The following ARHGAP30 variants were observed in gnomAD, a reference collection of about 807,000 sequenced individuals.
ARHGAP30 encodes Rho GTPase activating protein 30.
In ARHGAP30, 23 loss-of-function variants were observed where a neutral mutation model predicts 72.0. The observed-to-expected ratio is 0.32, with a 90% CI of 0.23 to 0.45. The LOEUF (loss-of-function observed/expected upper bound fraction) is 0.45. Among genes scored for constraint, ARHGAP30 ranks in the 20% least tolerant of loss-of-function variants. The probability of loss-of-function intolerance (pLI) is 1.00; values close to 1 mark genes in which losing one functional copy is unlikely to be tolerated. For synonymous variants in ARHGAP30, 576 were observed against 528.2 expected (o/e 1.09, Z -1.24); for missense variants, 1,319 against 1,383.4 (o/e 0.95, Z 0.74).
Position 161,047,704 on chromosome 1 carries a change from T to C in ARHGAP30, c.*11A>G. On this transcript the variant is annotated 3_prime_UTR_variant, in exon 12 of 12. Coordinates refer to ENST00000368013, the MANE Select transcript of ARHGAP30 (RefSeq NM_001025598.2). ...CTTGCTGGTCCCCTTTGCCCAGGGC[T>C]GTGGTCCTAATCACAGTCCTTCACC... 2.0e-6 allele frequency: 3 copies of C among 1,511,744 alleles called. No homozygotes were observed. Among genetic ancestry groups the C allele is most frequent in the Non-Finnish European group, 2.7e-6 (3 of 1,130,494 alleles). The allele number at this position is 1,511,744 out of a possible 1,614,324, so 93.6% of individuals were successfully genotyped here.
Position 161,054,366 on chromosome 1 carries a change from C to G in ARHGAP30, c.536G>C (p.Arg179Thr). The G allele has an allele frequency of 1.2e-6, 2 of 1,613,320 alleles. No individual in the cohort carries two copies. The highest frequency in any genetic ancestry group is 1.7e-6 in the Non-Finnish European group (2 of 1,179,632). The change falls in exon 5 of 12, where the codon AGG (arginine) becomes ACG (threonine). Residue 179 changes from arginine (R) to threonine (T), a missense_variant and splice_region_variant. Transcript: ENST00000368013. ...LAIVWAPNLL[R>T]SKDIEASGFN... ...ATACACTGCTCACACAGGCACCTAC[C>G]TCAGCAGGTTGGGAGCCCACACGAT...
intron 1 of ARHGAP30, among the ~76,000 whole-genome samples, chr1:161,067,338 C>T (rs1652843555): frequency 6.6e-6 from 1 of 151,992 alleles, no homozygotes; most frequent in Admixed American, 6.6e-5. Context: ...TTTGGGAGGC[C>T]GAGGCGGGTG....
At chr1:161,060,871 C>CT (rs879830665) in intron 1 of ARHGAP30, among the ~76,000 whole-genome samples, 13 of 151,514 alleles carry the variant, frequency 8.6e-5, no homozygotes, top group Middle Eastern at 6.8e-3. Flanking sequence ...CTCCAGCTAA[C>CT]TTTTTTGTAT....
rs191897572 is a variant in ARHGAP30, at chr1:161,063,669, C to T, written c.98-3953G>A. Among the ~76,000 whole-genome samples the T allele has an allele frequency of 2.0e-4, 31 of 152,342 alleles. No homozygotes were observed. The East Asian group carries it at 5.2e-3, about 26-fold the overall frequency. ...AGAGATAACCTTAAACTCTGACTGC[C>T]GGTGAACCGGGCAGAACAGAGCCAT... On this transcript the variant is annotated intron_variant, in intron 1 of 11. Coordinates refer to ENST00000368013, the MANE Select transcript of ARHGAP30 (RefSeq NM_001025598.2).
chr1:161,058,714 A>T (rs1422580375), intron 2 of ARHGAP30, among the ~76,000 whole-genome samples: 22 of 150,630 alleles, frequency 1.5e-4, no homozygotes, highest in Admixed American at 1.4e-3. Context: ...TACAAAAATT[A>T]GCCAGGCGTG....
intron 3 of ARHGAP30, among the ~76,000 whole-genome samples, chr1:161,055,702 T>C (rs1432949140): frequency 6.6e-6 from 1 of 151,586 alleles, no homozygotes; most frequent in Non-Finnish European, 1.5e-5. Context: ...GAGAATCACT[T>C]GAACCTGGGA....
intron 4 of ARHGAP30, 27 bp downstream of exon 4, chr1:161,054,596 G>T: frequency 1.9e-6 from 3 of 1,611,474 alleles, no homozygotes; most frequent in Non-Finnish European, 2.5e-6. Flanking sequence ...GTCTCAGGTT[G>T]CTGGGCAGAT....
Position 161,047,934 on chromosome 1 carries a change from G to A in ARHGAP30, c.3087C>T (p.Leu1029=), listed in dbSNP as rs768271846. The change falls in exon 12 of 12, where the codon CTC becomes CTT. Residue 1029 remains leucine (L), a synonymous_variant. Transcript: ENST00000368013. ...QTCTEGGDYC[L]IPRTSPCSMI... is the part of the protein sequence containing the mutation. Reference sequence around the variant, plus strand: ...TGCTACAAGGGGAGGTTCTGGGGATGAGGCAGTAATCCCCACCCTCAGTAC... The same window carrying A: ...TGCTACAAGGGGAGGTTCTGGGGATAAGGCAGTAATCCCCACCCTCAGTAC... 5 of 1,613,590 alleles carry A rather than the reference G, an allele frequency of 3.1e-6. No homozygotes were observed. In the South Asian group the frequency reaches 3.3e-5, roughly 11 times the overall value.
At chr1:161,055,058 C>A (rs1471974360) in intron 3 of ARHGAP30, among the ~76,000 whole-genome samples, 1 of 152,188 alleles carries the variant, frequency 6.6e-6, no homozygotes, top group East Asian at 1.9e-4. Flanking sequence ...CTGTCCCCCA[C>A]CCCAACCTAG....
In ARHGAP30 at chr1:161,048,199, G is replaced by A. The variant is rs868658553; in HGVS notation, c.2822C>T (p.Pro941Leu). Residue 941 changes from proline (P) to leucine (L), a missense_variant, in exon 12 of 12, where the codon CCC becomes CTC. Around this residue, in one of 2 missense-constraint regions of ARHGAP30, gnomAD observed 1,097 missense variants for 1,045.2 expected, o/e 1.05. Coordinates refer to ENST00000368013, the MANE Select transcript of ARHGAP30 (RefSeq NM_001025598.2). Reference protein sequence around the residue: ...VQQVRSVPVVPPKPQFAKMPS... With the variant: ...VQQVRSVPVVLPKPQFAKMPS... Reference sequence around the variant, plus strand: ...CATCTTGGCAAACTGTGGCTTGGGGGGCACCACAGGCACAGAGCGGACCTG... The same window carrying A: ...CATCTTGGCAAACTGTGGCTTGGGGAGCACCACAGGCACAGAGCGGACCTG... 6.2e-7 allele frequency: 1 copy of A among 1,614,048 alleles called. No individual in the cohort carries two copies. The highest frequency in any genetic ancestry group is 1.3e-5 in the African/African-American group (1 of 74,910).
intron 1 of ARHGAP30, 72 bp from the exon 2 acceptor site, chr1:161,059,788 G>T: frequency 7.5e-7 from 1 of 1,334,938 alleles, no homozygotes; most frequent in Non-Finnish European, 1.0e-6. Context: ...CTGGGTCTGA[G>T]AAATGGAATT....
At chr1:161,063,091 G>C (rs995186060) in intron 1 of ARHGAP30, among the ~76,000 whole-genome samples, 1 of 152,202 alleles carries the variant, frequency 6.6e-6, no homozygotes, top group Non-Finnish European at 1.5e-5. Flanking sequence ...GGGATTACAG[G>C]CGTGAGCCAC....
rs1166156591 is a variant in ARHGAP30 at position 161,052,718 on chromosome 1, T to A, written c.744A>T (p.Pro248=). 1.2e-6 allele frequency: 2 copies of A among 1,612,832 alleles called. No homozygotes were observed. Among genetic ancestry groups the A allele is most frequent in the Non-Finnish European group, 1.7e-6 (2 of 1,179,980 alleles). Residue 248 remains proline (P), a synonymous_variant, in exon 7 of 12, where the codon CCA becomes CCT. Transcript: ENST00000368013. Reference sequence around the variant, plus strand: ...GTATGCTAGGCAGGTGATAAGGCAGTGGCCTGGGCATAAGGTCCTCGGGGC... The same window carrying A: ...GTATGCTAGGCAGGTGATAAGGCAGAGGCCTGGGCATAAGGTCCTCGGGGC... ...SGSPEDLMPR[P]LPYHLPSILQ...
rs1557915363 is a variant in ARHGAP30 at position 161,048,845 on chromosome 1, C to T, written c.2176G>A (p.Ala726Thr). 2.5e-6 allele frequency: 4 copies of T among 1,614,024 alleles called. No homozygotes were observed. The highest frequency in any genetic ancestry group is 1.3e-5 in the African/African-American group (1 of 74,896). The change falls in exon 12 of 12, where the codon GCT becomes ACT. Residue 726 changes from alanine to threonine, a missense_variant. By Grantham distance (58) the Ala-to-Thr change is moderately conservative. Transcript: ENST00000368013. Reference sequence around the variant, plus strand: ...ACACCTTTAGCCTCCATACTGTCAGCCTTCTTCTGACCTTTGGACTTCTCT... The same window carrying T: ...ACACCTTTAGCCTCCATACTGTCAGTCTTCTTCTGACCTTTGGACTTCTCT... ...KEEKSKGQKK[A>T]DSMEAKGVEE...
In ARHGAP30 at chr1:161,054,703, C is replaced by T. The variant is rs1225975327; in HGVS notation, c.348G>A (p.Glu116=). 5 of 1,613,828 alleles carry T rather than the reference C, an allele frequency of 3.1e-6. No homozygotes were observed. The highest frequency in any genetic ancestry group is 2.7e-5 in the African/African-American group (2 of 74,908). Residue 116 remains glutamate (E), a splice_region_variant and synonymous_variant, in exon 4 of 12, where the codon GAG becomes GAA. Transcript: ENST00000368013. ...CAGGTTCCAATTGCACTCCTACAGC[C>T]TCCTGATTGAGAAGAGTGCAAGAAG... ...LTYRLYDKFA[E]AVGVQLEPER...
chr1:161,054,758 C>T lies in ARHGAP30; in HGVS notation c.346-53G>A, dbSNP rs1448104603. Reference sequence around the variant, plus strand: ...AATCAGTGACCCAGCAATGCCCCTGCTTACTCCCCAGAGCTTGTAACCAAG... The same window carrying T: ...AATCAGTGACCCAGCAATGCCCCTGTTTACTCCCCAGAGCTTGTAACCAAG... On this transcript the variant is annotated intron_variant, in intron 3 of 11. Transcript: ENST00000368013. 4.6e-6 allele frequency: 7 copies of T among 1,518,228 alleles called. No individual in the cohort carries two copies. In the East Asian group the frequency reaches 1.4e-4, roughly 29 times the overall value. The allele number at this position is 1,518,228 out of a possible 1,614,324, so 94.0% of individuals were successfully genotyped here.
intron 9 of ARHGAP30, among the ~76,000 whole-genome samples, 153 bp downstream of exon 9, chr1:161,052,133 C>T (rs1342500839): frequency 3.9e-5 from 6 of 152,116 alleles, no homozygotes; most frequent in Non-Finnish European, 8.8e-5. Flanking sequence ...CTCACCGTAG[C>T]ATTCAGCTAC....
chr1:161,062,100 C>G (rs1227371379), intron 1 of ARHGAP30, among the ~76,000 whole-genome samples: 1 of 151,654 alleles, frequency 6.6e-6, no homozygotes, highest in Non-Finnish European at 1.5e-5. Context: ...AAAACAACAA[C>G]AACAAAAAAA....
intron 1 of ARHGAP30, among the ~76,000 whole-genome samples, chr1:161,064,813 AAGAAAGAAAGAAAGAAAGAG>A: frequency 1.3e-5 from 1 of 77,984 alleles, no homozygotes; most frequent in South Asian, 3.5e-4. Context: ...GAAAGAAAGA[AAGAAAGAAAGAAAGAAAGAG>A]AAAGAAAGAA....
Sources: gnomAD v4.1 joint callset for allele counts (sites outside exome capture counted in the v4.1 genomes callset) on GRCh38, gnomAD v4.1.1 for gene constraint, gnomAD v4.1.1 regional missense constraint, MANE v1.5 for transcripts, NCBI Gene and HGNC (gene_info 2026-07-23, HGNC 2026-07-21) for gene names.